The following NEK11 variants were observed in gnomAD, a reference collection of about 807,000 sequenced individuals.
NEK11 encodes serine/threonine-protein kinase Nek11.
Under a neutral mutation model 80.7 loss-of-function variants are expected in NEK11, and 72 were observed. That is an observed-to-expected ratio of 0.89 (90% CI 0.74 to 1.08). NEK11 has a LOEUF of 1.08. Among genes scored for constraint, NEK11 ranks in the 50% least tolerant of loss-of-function variants. The pLI, the probability that NEK11 is intolerant of heterozygous loss-of-function variation, is 0.00. For missense variants in NEK11, 764 were observed against 763.6 expected (o/e 1.00, Z -0.01); for synonymous variants, 251 against 260.7 (o/e 0.96, Z 0.36).
intron 4 of NEK11, among the ~76,000 whole-genome samples, chr3:131,107,229 T>A (rs2079323530): frequency 6.6e-6 from 1 of 152,064 alleles, no homozygotes; most frequent in Admixed American, 6.6e-5. Flanking sequence ...TAACACATTT[T>A]AAAAAAATGC....
intron 15 of NEK11, among the ~76,000 whole-genome samples, chr3:131,237,018 T>C (rs530235675): frequency 5.3e-5 from 8 of 152,130 alleles, no homozygotes; most frequent in Non-Finnish European, 1.2e-4. Context: ...GGAGAGTAGA[T>C]GATAGTTTAA....
chr3:131,265,910 C>G (rs2096046376), intron 16 of NEK11, among the ~76,000 whole-genome samples: 1 of 152,150 alleles, frequency 6.6e-6, no homozygotes, highest in African/African-American at 2.4e-5. Context: ...TTGGTCTATT[C>G]AGGGATTTAA....
intron 3 of NEK11, among the ~76,000 whole-genome samples, chr3:131,066,070 G>C (rs72987895): frequency 6.6e-6 from 1 of 152,104 alleles, no homozygotes. Flanking sequence ...TCATCTCTTT[G>C]ACATGTTAAC....
intron 10 of NEK11, among the ~76,000 whole-genome samples, chr3:131,161,067 C>G (rs914324730): frequency 1.4e-4 from 21 of 150,378 alleles, no homozygotes; most frequent in African/African-American, 4.9e-4. Context: ...CCTGTAGTCC[C>G]AGCTACTCAG....
At chr3:131,098,636 C>T (rs60150838) in intron 4 of NEK11, among the ~76,000 whole-genome samples, 31,636 of 148,580 alleles carry the variant, frequency 0.21, 3,657 homozygotes, top group African/African-American at 0.32. Flanking sequence ...AGTGTAGTGG[C>T]GCAATCTCCG....
chr3:131,136,631 T>C (rs890393003), intron 7 of NEK11, among the ~76,000 whole-genome samples: 8 of 152,242 alleles, frequency 5.3e-5, no homozygotes, highest in Admixed American at 6.5e-5. Flanking sequence ...TTCTGCAATC[T>C]GTTAAACTTT....
chr3:131,227,254 A>T (rs919686637), intron 14 of NEK11, among the ~76,000 whole-genome samples: 1 of 152,160 alleles, frequency 6.6e-6, no homozygotes, highest in Non-Finnish European at 1.5e-5. Context: ...AACATCTTCT[A>T]TTTCCAGGGA....
chr3:131,315,945 C>T (rs534864406), intron 17 of NEK11, among the ~76,000 whole-genome samples: 1 of 152,200 alleles, frequency 6.6e-6, no homozygotes, highest in South Asian at 2.1e-4. Context: ...TTTTCTTTAT[C>T]CAGTCTGTTA....
At chr3:131,266,529 T>A (rs2096061793) in intron 16 of NEK11, among the ~76,000 whole-genome samples, 1 of 152,232 alleles carries the variant, frequency 6.6e-6, no homozygotes, top group Non-Finnish European at 1.5e-5. Flanking sequence ...GTGAGTTTCT[T>A]AATCCTCAGT....
At chr3:131,150,372 T>C (rs1374460707) in intron 7 of NEK11, among the ~76,000 whole-genome samples, 1 of 151,932 alleles carries the variant, frequency 6.6e-6, no homozygotes, top group Non-Finnish European at 1.5e-5. Flanking sequence ...TCTATCTTTA[T>C]TGATTTTTTT....
intron 14 of NEK11, among the ~76,000 whole-genome samples, chr3:131,206,346 C>G (rs1411901109): frequency 6.6e-6 from 1 of 152,166 alleles, no homozygotes; most frequent in African/African-American, 2.4e-5. Context: ...ATAGTAGTTG[C>G]AAGTTTCTAT....
At chr3:131,286,529 T>C (rs527520113) in intron 17 of NEK11, among the ~76,000 whole-genome samples, 2 of 152,362 alleles carry the variant, frequency 1.3e-5, no homozygotes, top group Non-Finnish European at 2.9e-5. Context: ...ATTAAATAAA[T>C]GGATACAGCT....
chr3:131,190,113 A>G (rs2093737081), intron 14 of NEK11, among the ~76,000 whole-genome samples: 1 of 152,190 alleles, frequency 6.6e-6, no homozygotes, highest in African/African-American at 2.4e-5. Context: ...GTATTTTGCT[A>G]GTCATTTTGG....
At chr3:131,219,035 A>G (rs1391428959) in intron 14 of NEK11, among the ~76,000 whole-genome samples, 2 of 152,186 alleles carry the variant, frequency 1.3e-5, no homozygotes, top group Non-Finnish European at 2.9e-5. Context: ...CAGCAATCCC[A>G]TTACTGGGTA....
At chr3:131,227,006 T>C (rs1212781370) in intron 14 of NEK11, among the ~76,000 whole-genome samples, 1 of 151,766 alleles carries the variant, frequency 6.6e-6, no homozygotes, top group African/African-American at 2.4e-5. Flanking sequence ...AACAGTATTC[T>C]ATCTCATCTG....
chr3:131,323,426 T>C (rs962375232), intron 17 of NEK11, among the ~76,000 whole-genome samples: 2 of 152,176 alleles, frequency 1.3e-5, no homozygotes, highest in Non-Finnish European at 2.9e-5. Context: ...ATCTCAGCTG[T>C]TTTTCCTGAA....
At position 131,174,661 on chromosome 3, in the gene NEK11, T is replaced by C. The variant is rs1199443732; in HGVS notation, c.1399+3774T>C. 3.4e-6 allele frequency: 4 copies of C among 1,184,016 alleles called. No homozygotes were observed. In the African/African-American group the frequency reaches 6.2e-5, roughly 18 times the overall value. 73.3% of individuals were successfully genotyped at this position (1,184,016 alleles called of 1,614,324 possible). On this transcript the variant is annotated intron_variant, in intron 14 of 17. Coordinates refer to ENST00000383366, the MANE Select transcript of NEK11 (RefSeq NM_024800.5). ...AGTACAACTGGAATGTTAAAGAAATTATCCCCATTTAACTTCTTATATGTA... is the reference window on the plus strand; with the variant it reads ...AGTACAACTGGAATGTTAAAGAAATCATCCCCATTTAACTTCTTATATGTA...
At chr3:131,075,197 C>T (rs957498755) in intron 3 of NEK11, among the ~76,000 whole-genome samples, 5 of 152,070 alleles carry the variant, frequency 3.3e-5, no homozygotes, top group Admixed American at 1.3e-4. Flanking sequence ...TTCTAACCCC[C>T]GAATGAGCTA....
chr3:131,268,952 G>A (rs138318266), intron 16 of NEK11, among the ~76,000 whole-genome samples: 2,593 of 152,146 alleles, frequency 0.017, 68 homozygotes, highest in African/African-American at 0.058. Flanking sequence ...CCTTTTTTTC[G>A]GTGATGCCCT....
Sources: gnomAD v4.1 joint callset for allele counts (sites outside exome capture counted in the v4.1 genomes callset) on GRCh38, gnomAD v4.1.1 for gene constraint, MANE v1.5 for transcripts, NCBI Gene and HGNC (gene_info 2026-07-23, HGNC 2026-07-21) for gene names.